Variants in CADPS2 observed in about 807,000 individuals in gnomAD.
CADPS2 encodes the protein calcium dependent secretion activator 2, also known as calcium-dependent secretion activator 2.
Under a neutral mutation model 172.5 loss-of-function variants are expected in CADPS2, and 93 were observed. That is an observed-to-expected ratio of 0.54 (90% CI 0.46 to 0.64). CADPS2 has a LOEUF of 0.64. Ranked by LOEUF, CADPS2 falls within the 30% of genes least tolerant of loss-of-function variation. CADPS2 has a pLI of 0.00. For missense variants in CADPS2, 1,420 were observed against 1,565.9 expected (o/e 0.91, Z 1.57); for synonymous variants, 546 against 555.2 (o/e 0.98, Z 0.23).
intron 2 of CADPS2, among the ~76,000 whole-genome samples, chr7:122,705,744 T>TC (rs2087031446): frequency 1.5e-4 from 1 of 6,452 alleles, no homozygotes; most frequent in African/African-American, 3.0e-4. Flanking sequence ...ATATAATATA[T>TC]AATATATATA....
intron 25 of CADPS2, among the ~76,000 whole-genome samples, chr7:122,370,613 C>A (rs1205906999): frequency 6.6e-6 from 1 of 152,036 alleles, no homozygotes; most frequent in Non-Finnish European, 1.5e-5. Flanking sequence ...GAAGAAATGG[C>A]AGAGAAAGTG....
chr7:122,333,842 A>G (rs1325261982), intron 28 of CADPS2, among the ~76,000 whole-genome samples: 1 of 151,728 alleles, frequency 6.6e-6, no homozygotes, highest in African/African-American at 2.4e-5. Flanking sequence ...CATGCATTCA[A>G]TTTTCATGAA....
intron 7 of CADPS2, among the ~76,000 whole-genome samples, chr7:122,559,990 G>A (rs1004790283): frequency 6.6e-6 from 1 of 152,002 alleles, no homozygotes; most frequent in African/African-American, 2.4e-5. Flanking sequence ...TGGGGATCAA[G>A]AGGCTGCACA....
At chr7:122,568,534 G>C (rs1428762970) in intron 7 of CADPS2, among the ~76,000 whole-genome samples, 1 of 152,054 alleles carries the variant, frequency 6.6e-6, no homozygotes. Context: ...ACAGAATAGA[G>C]AGTCCAGGAA....
chr7:122,832,462 C>T lies in CADPS2; in HGVS notation c.339+53537G>A, dbSNP rs527547114. ...ATTCAAAAAGCCTAAGTTAATCTTA[C>T]GCAGCCATCTCTGTCCAGCGGTCAT... On this transcript the variant is annotated intron_variant, in intron 1 of 29. Coordinates refer to ENST00000449022, the MANE Select transcript of CADPS2 (RefSeq NM_017954.11). Among the ~76,000 whole-genome samples the T allele has an allele frequency of 9.0e-4, 137 of 152,278 alleles. 1 individual carries two copies. In the Middle Eastern group the frequency reaches 0.01, roughly 11 times the overall value.
chr7:122,838,803 T>C (rs556571239), intron 1 of CADPS2, among the ~76,000 whole-genome samples: 7 of 152,228 alleles, frequency 4.6e-5, no homozygotes, highest in Admixed American at 4.6e-4. Flanking sequence ...GGAAGAAAAT[T>C]CCATGCTCAT....
chr7:122,461,605 TTG>T (rs2054445808), intron 14 of CADPS2, among the ~76,000 whole-genome samples: 2 of 151,746 alleles, frequency 1.3e-5, no homozygotes, highest in Admixed American at 6.6e-5. Flanking sequence ...TTGTTTTGTT[TTG>T]TTTTTTAAGA....
chr7:122,612,918 A>G (rs2074464200), intron 6 of CADPS2, among the ~76,000 whole-genome samples: 3 of 152,144 alleles, frequency 2.0e-5, no homozygotes, highest in Non-Finnish European at 4.4e-5. Context: ...ATTTTCAAAA[A>G]AGGATAAAAA....
intron 2 of CADPS2, chr7:122,676,813 C>A: frequency 2.6e-6 from 2 of 764,516 alleles, no homozygotes; most frequent in South Asian, 2.1e-5. Context: ...AGATTCCGAA[C>A]TCACTGTAAG....
chr7:122,574,463 A>AAAAAAAAAAAAG, intron 7 of CADPS2, among the ~76,000 whole-genome samples: 1 of 149,406 alleles, frequency 6.7e-6, no homozygotes, highest in African/African-American at 2.4e-5. Flanking sequence ...AAAAAAAAAA[A>AAAAAAAAAAAAG]AAAAAGTATA....
chr7:122,588,160 C>T (rs375133730), intron 6 of CADPS2, among the ~76,000 whole-genome samples: 29 of 152,014 alleles, frequency 1.9e-4, no homozygotes, highest in African/African-American at 6.7e-4. Flanking sequence ...ACTCTGTAGG[C>T]TGTCTGTTCA....
chr7:122,659,365 A>G (rs2135267261), intron 3 of CADPS2, among the ~76,000 whole-genome samples: 1 of 151,566 alleles, frequency 6.6e-6, no homozygotes, highest in South Asian at 2.1e-4. Context: ...TGATAGGCTC[A>G]TTAGTGGATT....
intron 1 of CADPS2, among the ~76,000 whole-genome samples, chr7:122,738,735 C>G (rs1344045389): frequency 6.7e-6 from 1 of 148,718 alleles, no homozygotes; most frequent in East Asian, 2.0e-4. Context: ...CAAGCTCTTT[C>G]AAAAAATGGG....
intron 9 of CADPS2, among the ~76,000 whole-genome samples, chr7:122,502,540 C>G (rs1271590817): frequency 6.6e-6 from 1 of 151,948 alleles, no homozygotes; most frequent in Non-Finnish European, 1.5e-5. Flanking sequence ...AATTTTTTCA[C>G]TGGCTGTATA....
At chr7:122,702,128 T>G (rs1426991213) in intron 2 of CADPS2, 1 of 1,613,536 alleles carries the variant, frequency 6.2e-7, no homozygotes, top group African/African-American at 1.3e-5. Flanking sequence ...CCAGACGCAA[T>G]CTAAGTAAAA....
At chr7:122,640,078 T>C (rs532802455) in intron 3 of CADPS2, among the ~76,000 whole-genome samples, 5 of 152,200 alleles carry the variant, frequency 3.3e-5, no homozygotes, top group Admixed American at 6.5e-5. Flanking sequence ...TCATGAGTAA[T>C]GCCGTGTGAT....
intron 1 of CADPS2, among the ~76,000 whole-genome samples, chr7:122,757,586 A>G (rs779833461): frequency 6.6e-6 from 1 of 152,074 alleles, no homozygotes; most frequent in African/African-American, 2.4e-5. Flanking sequence ...TCATAATTTT[A>G]GGCAGCCCTG....
chr7:122,696,712 C>T (rs1308627515), intron 2 of CADPS2, among the ~76,000 whole-genome samples: 1 of 152,060 alleles, frequency 6.6e-6, no homozygotes, highest in Non-Finnish European at 1.5e-5. Flanking sequence ...AAATTCTGGG[C>T]TAAAATTATA....
chr7:122,823,468 T>A (rs868563920), intron 1 of CADPS2, among the ~76,000 whole-genome samples: 4 of 152,110 alleles, frequency 2.6e-5, no homozygotes, highest in African/African-American at 9.7e-5. Flanking sequence ...ATAAGAGTAT[T>A]GGCTATGAAA....
Sources: allele counts gnomAD v4.1 joint callset (sites outside exome capture counted in the v4.1 genomes callset), GRCh38; gene constraint gnomAD v4.1.1; transcripts MANE v1.5; gene names NCBI Gene and HGNC (gene_info 2026-07-23, HGNC 2026-07-21).